Variants in GPC6 observed in about 807,000 individuals in gnomAD.
The protein encoded by GPC6 is glypican 6.
Under a neutral mutation model 55.2 loss-of-function variants are expected in GPC6, and 14 were observed. That is an observed-to-expected ratio of 0.25 (90% confidence interval 0.17 to 0.40). GPC6 has a LOEUF of 0.40. Ranked by LOEUF, GPC6 falls within the 10% of genes least tolerant of loss-of-function variation. The pLI, the probability that GPC6 is intolerant of heterozygous loss-of-function variation, is 1.00. For synonymous variants in GPC6, 278 were observed against 259.6 expected, an observed-to-expected ratio of 1.07 and a Z score of -0.68; for missense variants, 641 against 708.5, an observed-to-expected ratio of 0.90 and a Z score of 1.08.
intron 1 of GPC6, among the ~76,000 whole-genome samples, chr13:93,498,712 C>CT (rs1880403763): frequency 6.6e-6 from 1 of 152,184 alleles, no homozygotes; most frequent in Non-Finnish European, 1.5e-5. Flanking sequence ...AACTAAACCT[C>CT]TTTTTGTTCC....
At chr13:93,369,277 T>G (rs1422107358) in intron 1 of GPC6, among the ~76,000 whole-genome samples, 6 of 152,092 alleles carry the variant, frequency 3.9e-5, no homozygotes, top group Non-Finnish European at 8.8e-5. Context: ...AATCCAACTT[T>G]GTACTATCAG....
chr13:94,402,513 G>C (rs1239088639), intron 8 of GPC6, among the ~76,000 whole-genome samples: 2 of 152,196 alleles, frequency 1.3e-5, no homozygotes. Context: ...CTGTTGGGTA[G>C]GGTGGGGGAC....
chr13:93,988,447 T>G (rs1881132241), intron 3 of GPC6, among the ~76,000 whole-genome samples: 1 of 152,166 alleles, frequency 6.6e-6, no homozygotes, highest in African/African-American at 2.4e-5. Context: ...GTTAATATAC[T>G]TAATGCATTA....
intron 1 of GPC6, among the ~76,000 whole-genome samples, chr13:93,501,276 C>G (rs1307611547): frequency 6.6e-6 from 1 of 151,984 alleles, no homozygotes; most frequent in Non-Finnish European, 1.5e-5. Flanking sequence ...TCAGACTCCT[C>G]TAAAGAGAAA....
chr13:93,966,173 A>G (rs1880031781), intron 3 of GPC6, among the ~76,000 whole-genome samples: 1 of 152,158 alleles, frequency 6.6e-6, no homozygotes, highest in African/African-American at 2.4e-5. Flanking sequence ...ATGTCAAATG[A>G]TTCTATCCTT....
intron 1 of GPC6, among the ~76,000 whole-genome samples, chr13:93,476,697 T>G (rs1879313610): frequency 6.6e-6 from 1 of 152,332 alleles, no homozygotes; most frequent in African/African-American, 2.4e-5. Context: ...TGTTGGTTAC[T>G]GCCTTTGCTT....
chr13:93,539,970 C>A (rs922331496), intron 1 of GPC6, among the ~76,000 whole-genome samples: 2 of 152,118 alleles, frequency 1.3e-5, no homozygotes, highest in Non-Finnish European at 2.9e-5. Flanking sequence ...GGATTACAGG[C>A]ATGAGGCACC....
chr13:94,084,714 G>A (rs1229155624), intron 4 of GPC6, among the ~76,000 whole-genome samples: 1 of 152,176 alleles, frequency 6.6e-6, no homozygotes, highest in African/African-American at 2.4e-5. Flanking sequence ...TAAAGTTTAA[G>A]TCTAGAGAGT....
intron 2 of GPC6, among the ~76,000 whole-genome samples, chr13:93,693,907 C>A (rs1374185009): frequency 6.6e-6 from 1 of 152,128 alleles, no homozygotes; most frequent in African/African-American, 2.4e-5. Context: ...GTTTCATGCC[C>A]ACCTTCTATA....
At chr13:94,293,320 G>A (rs1190203801) in intron 5 of GPC6, among the ~76,000 whole-genome samples, 45 of 152,114 alleles carry the variant, frequency 3.0e-4, no homozygotes, top group Non-Finnish European at 2.1e-4. Flanking sequence ...ATTGGATTAC[G>A]GGGGCAGTTT....
chr13:94,374,150 CATCAACTAACGAGCAAA>C (rs1879723206), intron 6 of GPC6, among the ~76,000 whole-genome samples: 1 of 151,554 alleles, frequency 6.6e-6, no homozygotes, highest in South Asian at 2.1e-4. Context: ...GAAGAAACTG[CATCAACTAACGAGCAAA>C]ATCACCAGCT....
chr13:93,673,803 A>G (rs1013709231), intron 2 of GPC6, among the ~76,000 whole-genome samples: 8 of 152,272 alleles, frequency 5.3e-5, no homozygotes, highest in African/African-American at 1.7e-4. Flanking sequence ...TTTCCAAATG[A>G]CGTGTATTTG....
chr13:93,842,579 A>T (rs1024768419), intron 3 of GPC6, among the ~76,000 whole-genome samples: 2 of 152,038 alleles, frequency 1.3e-5, no homozygotes, highest in African/African-American at 4.8e-5. Context: ...ACTGTCCAAG[A>T]CTTCCCTCTT....
intron 1 of GPC6, among the ~76,000 whole-genome samples, chr13:93,363,318 T>A (rs1881118697): frequency 6.7e-6 from 1 of 148,192 alleles, no homozygotes; most frequent in South Asian, 2.2e-4. Flanking sequence ...CAGAGTGTGA[T>A]GTTCCCCTTC....
chr13:93,780,730 A>T (rs546060422), intron 2 of GPC6, among the ~76,000 whole-genome samples: 2 of 152,204 alleles, frequency 1.3e-5, no homozygotes, highest in Non-Finnish European at 2.9e-5. Context: ...GAATGATTCA[A>T]CAATAATCTG....
intron 2 of GPC6, among the ~76,000 whole-genome samples, chr13:93,565,219 G>T (rs115978668): frequency 0.013 from 1,908 of 152,170 alleles, 44 homozygotes; most frequent in African/African-American, 0.043. Flanking sequence ...GTTGAAAGGG[G>T]GGAGAAGCAG....
intron 2 of GPC6, among the ~76,000 whole-genome samples, chr13:93,724,942 T>C (rs949226102): frequency 2.6e-5 from 4 of 152,036 alleles, no homozygotes; most frequent in Admixed American, 6.6e-5. Context: ...TTTAAGGTGC[T>C]ATAGAGAATG....
At chr13:93,790,273 G>A (rs1885987849) in intron 2 of GPC6, among the ~76,000 whole-genome samples, 1 of 152,136 alleles carries the variant, frequency 6.6e-6, no homozygotes, top group African/African-American at 2.4e-5. Flanking sequence ...GAATTGAGGA[G>A]TTGTTTCCCA....
chr13:94,273,842 T>C (rs1594120653), intron 4 of GPC6, among the ~76,000 whole-genome samples: 1 of 152,202 alleles, frequency 6.6e-6, no homozygotes, highest in East Asian at 1.9e-4. Context: ...ATTCTATGAC[T>C]CATCTTTAAG....
Sources: gnomAD v4.1 joint callset for allele counts (sites outside exome capture counted in the v4.1 genomes callset) on GRCh38, gnomAD v4.1.1 for gene constraint, MANE v1.5 for transcripts, NCBI Gene and HGNC (gene_info 2026-07-23, HGNC 2026-07-21) for gene names.